PLCH2: variants seen among roughly 807,000 people sequenced by gnomAD.
PLCH2 encodes phospholipase C eta 2, also known as 1-phosphatidylinositol 4,5-bisphosphate phosphodiesterase eta-2.
Under a neutral mutation model 134.7 loss-of-function variants are expected in PLCH2, and 98 were observed. That is an observed-to-expected ratio of 0.73 (90% confidence interval 0.62 to 0.86). The LOEUF (loss-of-function observed/expected upper bound fraction) is 0.86. PLCH2 is among the 40% of genes least tolerant of loss of function. The pLI, the probability that PLCH2 is intolerant of heterozygous loss-of-function variation, is 0.00. For synonymous variants in PLCH2, 974 were observed against 827.5 expected (o/e 1.18, Z -3.04); for missense variants, 1,994 against 1,986.6 (o/e 1.00, Z -0.07).
intron 2 of PLCH2, among the ~76,000 whole-genome samples, chr1:2,447,196 G>T (rs1447227392): frequency 6.6e-6 from 1 of 152,212 alleles, no homozygotes; most frequent in African/African-American, 2.4e-5. Flanking sequence ...CAGGCTTGAT[G>T]GCAGAAACGA....
chr1:2,436,407 CCTCCCTCCACCTTTCCTCCTTT>C (rs1639386842), intron 2 of PLCH2, among the ~76,000 whole-genome samples: 1 of 33,380 alleles, frequency 3.0e-5, no homozygotes, highest in Non-Finnish European at 5.4e-5. Context: ...TTTCCTCCTT[CCTCCCTCCACCTTTCCTCCTTT>C]CTCCCTCCTC....
At chr1:2,460,776 G>A (rs971703976) in intron 2 of PLCH2, among the ~76,000 whole-genome samples, 3 of 152,126 alleles carry the variant, frequency 2.0e-5, no homozygotes, top group African/African-American at 7.2e-5. Flanking sequence ...CCAGCAGCCA[G>A]GGGCTGACCT....
chr1:2,426,769 G>A (rs1404240054), intron 1 of PLCH2, among the ~76,000 whole-genome samples: 1 of 152,226 alleles, frequency 6.6e-6, no homozygotes, highest in Non-Finnish European at 1.5e-5. Context: ...TGGGGTCGGG[G>A]CTGCTGGGTT....
At position 2,504,297 on chromosome 1, in the gene PLCH2, C is replaced by T. The variant is rs748943516; in HGVS notation, c.3335C>T (p.Ala1112Val). ...CCCCTGGGAGGGTGGCGGCCCCTGG[C>T]CGCTCCCTTTCCAGCTCCTGCCGTG... ...TEPLGGWRPLAAPFPAPAVYS... is the reference protein window; with the variant it reads ...TEPLGGWRPLVAPFPAPAVYS... The change falls in exon 22 of 22, where the codon GCC (alanine) becomes GTC (valine). Residue 1112 changes from alanine (A) to valine (V), a missense_variant. Ala to Val is a moderately conservative substitution (Grantham distance 64). This residue lies in a region of PLCH2 where 900 missense variants were observed against 752.3 expected (regional missense o/e 1.20). Transcript: ENST00000378486. 1.9e-6 allele frequency: 3 copies of T among 1,600,872 alleles called. No homozygotes were observed. The highest frequency in any genetic ancestry group is 1.7e-6 in the Non-Finnish European group (2 of 1,175,450).
upstream of PLCH2, among the ~76,000 whole-genome samples, chr1:2,463,643 T>A (rs1322556235): frequency 6.6e-6 from 1 of 151,342 alleles, no homozygotes; most frequent in Non-Finnish European, 1.5e-5. Flanking sequence ...CGGAGACTGG[T>A]CAGAGCCCGC....
intron 2 of PLCH2, among the ~76,000 whole-genome samples, chr1:2,461,959 T>TG (rs1640821424): frequency 6.6e-6 from 1 of 151,980 alleles, no homozygotes; most frequent in Non-Finnish European, 1.5e-5. Context: ...CCCACTTTCT[T>TG]GGGGCTGCCT....
chr1:2,484,710 G>A lies in PLCH2; in HGVS notation c.816+92G>A, dbSNP rs1642199928. 3 of 1,400,562 alleles carry A rather than the reference G, an allele frequency of 2.1e-6. No homozygotes were observed. In the East Asian group the frequency reaches 7.0e-5, roughly 33 times the overall value. 86.8% of individuals were successfully genotyped at this position (1,400,562 alleles called of 1,614,324 possible). A position where few individuals can be genotyped will look rare whatever the true frequency, so the allele number is the denominator to read the frequency against. On this transcript the variant is annotated intron_variant, in intron 5 of 21. Coordinates refer to ENST00000378486, the MANE Select transcript of PLCH2 (RefSeq NM_014638.4). ...GCTTCAGTCAGGGGACAGTGGTGAT[G>A]GGGGAGCTGTCTGAAGCTATCCCAG...
chr1:2,445,057 C>T (rs1489528988), intron 2 of PLCH2, among the ~76,000 whole-genome samples: 1 of 152,062 alleles, frequency 6.6e-6, no homozygotes, highest in African/African-American at 2.4e-5. Flanking sequence ...TTGGTCTCCC[C>T]TAGGACCCTG....
At position 2,497,594 on chromosome 1, in the gene PLCH2, G is replaced by A. The variant is rs1642967343; in HGVS notation, c.2209G>A (p.Gly737Arg). The A allele has an allele frequency of 6.4e-7, 1 of 1,559,066 alleles. No individual in the cohort carries two copies. Among genetic ancestry groups the A allele is most frequent in the Non-Finnish European group, 8.7e-7 (1 of 1,151,654 alleles). The stretch of plus-strand genomic sequence containing the variant: ...TGGCTGCGGCTACGTACTCAAGCCT[G>A]GGTGCATGTGCCAGGGTGAGGCACT... ...NGGCGYVLKPGCMCQGVFNPN... is the reference protein window; with the variant it reads ...NGGCGYVLKPRCMCQGVFNPN... Residue 737 changes from glycine to arginine, a missense_variant, in exon 16 of 22, where the codon GGG (glycine) becomes AGG (arginine). Physicochemically the swap from Gly to Arg is moderately radical, Grantham distance 125. Transcript: ENST00000378486.
At position 2,504,948 on chromosome 1, in the gene PLCH2, CA is replaced by C. The variant is rs1643461244; in HGVS notation, c.3987del (p.Gly1331AlafsTer167). On this transcript the variant is annotated frameshift_variant, in exon 22 of 22. Coordinates refer to ENST00000378486, the MANE Select transcript of PLCH2 (RefSeq NM_014638.4). LOFTEE classifies it high-confidence loss of function. Reference protein sequence around the residue: ...TSLGPAGEGVAGGPGFVRRSS... With the variant: ...TSLGPAGEGVXGGPGFVRRSS... Reference sequence around the variant, plus strand: ...CTGGGCCCGGCTGGGGAGGGGGTGGCAGGGGGCCCTGGTTTTGTGCGGCGCT... The same window carrying C: ...CTGGGCCCGGCTGGGGAGGGGGTGGCGGGGGCCCTGGTTTTGTGCGGCGCT... The C allele has an allele frequency of 6.4e-7, 1 of 1,562,908 alleles. No individual in the cohort carries two copies. Among genetic ancestry groups the C allele is most frequent in the Non-Finnish European group, 8.7e-7 (1 of 1,154,926 alleles).
intron 1 of PLCH2, 50 bp from the exon 2 acceptor site, chr1:2,478,426 G>T (rs915951431): frequency 2.1e-5 from 34 of 1,600,926 alleles, no homozygotes; most frequent in Non-Finnish European, 2.8e-5. Flanking sequence ...TGTCTCTCCT[G>T]CGAGGAGTGG....
chr1:2,423,817 G>T (rs1638640490), upstream of PLCH2, among the ~76,000 whole-genome samples: 2 of 152,274 alleles, frequency 1.3e-5, no homozygotes, highest in Middle Eastern at 3.4e-3. Flanking sequence ...TTGGGACGGG[G>T]TCTGTGTGAT....
In PLCH2 at chr1:2,504,442, G is replaced by A. The variant is rs1316810993; in HGVS notation, c.3480G>A (p.Leu1160=). 6.2e-7 allele frequency: 1 copy of A among 1,612,426 alleles called. No homozygotes were observed. Among genetic ancestry groups the A allele is most frequent in the Admixed American group, 1.7e-5 (1 of 60,018 alleles). The change falls in exon 22 of 22, where the codon CTG becomes CTA. Residue 1160 remains leucine, a synonymous_variant. Coordinates refer to ENST00000378486, the MANE Select transcript of PLCH2 (RefSeq NM_014638.4). The part of the protein sequence containing the change: ...SSSDTVIDLS[L]PSLGLGRSRE... ...GCGACACTGTCATTGACCTCTCCCT[G>A]CCCAGCCTGGGCCTGGGCCGCAGCC...
intron 20 of PLCH2, chr1:2,501,711 G>A (rs1643235091): frequency 1.5e-5 from 3 of 194,574 alleles, no homozygotes; most frequent in South Asian, 1.8e-4. Flanking sequence ...AGTGTCCCCT[G>A]CTAGCGCCGG....
Position 2,496,869 on chromosome 1 carries a change from G to A in PLCH2, c.1975G>A (p.Ala659Thr). Residue 659 changes from alanine (A) to threonine (T), a missense_variant, in exon 15 of 22, where the codon GCC becomes ACC. Physicochemically the swap from Ala to Thr is moderately conservative, Grantham distance 58 (BLOSUM62 0). Around this residue, in one of 2 missense-constraint regions of PLCH2, gnomAD observed 1,094 missense variants for 1,234.3 expected, o/e 0.89. Coordinates refer to ENST00000378486, the MANE Select transcript of PLCH2 (RefSeq NM_014638.4). ...WQVSSFSETK[A>T]HQILQQKPAQ... ...GGTGTCGTCCTTCAGCGAGACCAAGGCCCACCAGATTCTGCAGCAGAAGCC... is the reference window on the plus strand; with the variant it reads ...GGTGTCGTCCTTCAGCGAGACCAAGACCCACCAGATTCTGCAGCAGAAGCC... 1.2e-6 allele frequency: 2 copies of A among 1,612,896 alleles called. No homozygotes were observed. Among genetic ancestry groups the A allele is most frequent in the South Asian group, 2.2e-5 (2 of 91,084 alleles).
intron 10 of PLCH2, among the ~76,000 whole-genome samples, chr1:2,490,271 T>C (rs1190454819): frequency 6.6e-6 from 1 of 152,184 alleles, no homozygotes; most frequent in East Asian, 1.9e-4. Flanking sequence ...TCACCAAGTC[T>C]GGCTGGACGC....
rs528712874 is a variant in PLCH2, at chr1:2,497,650, C to G, written c.2224+41C>G. On this transcript the variant is annotated intron_variant, in intron 16 of 21. Transcript: ENST00000378486. The stretch of plus-strand genomic sequence containing the variant: ...ACTCAGGGCTCGGACGCTCAGGGCT[C>G]GGATGGGCCTCCTGGGTGTCCCCAG... 4 of 1,322,474 alleles carry G rather than the reference C, an allele frequency of 3.0e-6. No homozygotes were observed. The South Asian group carries it at 5.2e-5, about 17-fold the overall frequency. 81.9% of individuals were successfully genotyped at this position (1,322,474 alleles called of 1,614,324 possible).
At chr1:2,437,802 CAT>C (rs751173671) in intron 2 of PLCH2, among the ~76,000 whole-genome samples, 16 of 152,350 alleles carry the variant, frequency 1.1e-4, no homozygotes, top group East Asian at 1.9e-4. Context: ...TAGGGAAACA[CAT>C]GTGTACATAC....
At position 2,494,783 on chromosome 1, in the gene PLCH2, C is replaced by T. The variant is rs1003819428; in HGVS notation, c.1660-73C>T. 8.0e-5 allele frequency: 90 copies of T among 1,124,672 alleles called. 2 individuals carry two copies. In the Admixed American group the frequency reaches 1.4e-3, roughly 18 times the overall value. The allele number at this position is 1,124,672 out of a possible 1,614,324, so 69.7% of individuals were successfully genotyped here. On this transcript the variant is annotated intron_variant, in intron 11 of 21. Coordinates refer to ENST00000378486, the MANE Select transcript of PLCH2 (RefSeq NM_014638.4). Reference sequence around the variant, plus strand: ...TTCCAGGAAGGCCTTCTGGGACCACCAGGGGCTGTCCCGGCCTCCCTGCCT... The same window carrying T: ...TTCCAGGAAGGCCTTCTGGGACCACTAGGGGCTGTCCCGGCCTCCCTGCCT...
Sources: allele counts gnomAD v4.1 joint callset (sites outside exome capture counted in the v4.1 genomes callset), GRCh38; gene constraint gnomAD v4.1.1; regional missense constraint gnomAD v4.1.1; transcripts MANE v1.5; gene names NCBI Gene and HGNC (gene_info 2026-07-23, HGNC 2026-07-21).